Variants in EIF3G observed in about 807,000 individuals in gnomAD.
EIF3G encodes eukaryotic translation initiation factor 3 RNA-binding subunit.
EIF3G carries 10 observed loss-of-function variants against 41.7 expected under a neutral mutation model. The ratio of observed to expected loss-of-function variants is 0.24; its 90% confidence interval spans 0.15 to 0.41. The LOEUF (loss-of-function observed/expected upper bound fraction) is 0.41. Among genes scored for constraint, EIF3G ranks in the 10% least tolerant of loss-of-function variants. The pLI is 1.00. For synonymous variants in EIF3G, 204 were observed against 172.5 expected (o/e 1.18, Z -1.43); for missense variants, 297 against 444.0 (o/e 0.67, Z 2.98).
rs2089247479 is a variant in EIF3G at position 10,116,267 on chromosome 19, CACTG to C, written c.596-197_596-194del. On this transcript the variant is annotated intron_variant, in intron 7 of 10. Coordinates refer to ENST00000253108, the MANE Select transcript of EIF3G (RefSeq NM_003755.5). The surrounding 1 kb of genome is among the most constrained non-coding windows in gnomAD (Gnocchi z 4.1). ...CACCATTTGAGCTCCCAGCCAGCGA[CACTG>C]GTGGAGGAGGAGGAGGAGGAGCCCC... is the stretch of plus-strand genomic sequence containing the variant. 4.9e-6 allele frequency: 3 copies of C among 615,952 alleles called. No individual in the cohort carries two copies. Among genetic ancestry groups the C allele is most frequent in the Non-Finnish European group, 8.5e-6 (3 of 351,012 alleles). 38.2% of individuals were successfully genotyped at this position (615,952 alleles called of 1,614,324 possible).
chr19:10,119,832 C>T lies in EIF3G; in HGVS notation c.20+8G>A. On this transcript the variant is annotated splice_region_variant and intron_variant, in intron 1 of 10. Transcript: ENST00000253108. ...TTCCCGTGCCCCTTTCCGCGATCGC[C>T]GACTCACTCAAAGTCTCCAGTAGGC... The T allele has an allele frequency of 6.2e-7, 1 of 1,614,210 alleles. No individual in the cohort carries two copies.
rs1462138128 is a variant in EIF3G, at chr19:10,116,564, A to C, written c.595+236T>G. The C allele has an allele frequency of 1.9e-6, 1 of 533,846 alleles. No individual in the cohort carries two copies. Among genetic ancestry groups the C allele is most frequent in the East Asian group, 3.0e-5 (1 of 33,836 alleles). The allele number at this position is 533,846 out of a possible 1,614,324, so 33.1% of individuals were successfully genotyped here. ...CAGCACCCTGGGGCCGACAGACAGC[A>C]GCTCATCAGGACAGTCACAGGGCCA... On this transcript the variant is annotated intron_variant, in intron 7 of 10. Coordinates refer to ENST00000253108, the MANE Select transcript of EIF3G (RefSeq NM_003755.5). The surrounding 1 kb of genome is among the most constrained non-coding windows in gnomAD (Gnocchi z 4.1).
In EIF3G at chr19:10,115,137, A is replaced by AG; in HGVS notation, c.948-9dup. Reference sequence around the variant, plus strand: ...GCTTAGTTGGTGGACGGCCTGGGGTAGGGGAGGGTGGCAGGTATAAGACTT... The same window carrying AG: ...GCTTAGTTGGTGGACGGCCTGGGGTAGGGGGAGGGTGGCAGGTATAAGACTT... On this transcript the variant is annotated splice_polypyrimidine_tract_variant and intron_variant, in intron 10 of 10. Transcript: ENST00000253108. 1 of 1,613,530 alleles carries AG rather than the reference A, an allele frequency of 6.2e-7. No homozygotes were observed. The highest frequency in any genetic ancestry group is 1.1e-5 in the South Asian group (1 of 90,980).
Position 10,119,853 on chromosome 19 carries a change from T to G in EIF3G, c.7A>C (p.Thr3Pro), listed in dbSNP as rs748091858. The G allele has an allele frequency of 5.0e-6, 8 of 1,614,102 alleles. No homozygotes were observed. In the South Asian group the frequency reaches 7.7e-5, roughly 16 times the overall value. Residue 3 changes from threonine (T) to proline (P), a missense_variant, in exon 1 of 11, where the codon ACT becomes CCT. Physicochemically the swap from Thr to Pro is conservative, Grantham distance 38. This residue lies in a region of EIF3G where 147 missense variants were observed against 162.4 expected (regional missense o/e 0.91). Transcript: ENST00000253108. ...TCGCCGACTCACTCAAAGTCTCCAG[T>G]AGGCATCGCAAAAAGTATTCTCCAC... MP[T>P]GDFDSKPSWA...
chr19:10,117,294 A>T, intron 5 of EIF3G, 106 bp from the exon 6 acceptor site: 2 of 766,666 alleles, frequency 2.6e-6, no homozygotes, highest in Non-Finnish European at 4.3e-6. Context: ...TCTGGGCCTC[A>T]AACCCCATCT....
chr19:10,117,121 C>T lies in EIF3G; in HGVS notation c.368G>A (p.Ser123Asn). 6.2e-7 allele frequency: 1 copy of T among 1,613,810 alleles called. No homozygotes were observed. Among genetic ancestry groups the T allele is most frequent in the Non-Finnish European group, 8.5e-7 (1 of 1,179,858 alleles). Residue 123 changes from serine (S) to asparagine (N), a missense_variant, in exon 6 of 11, where the codon AGT (serine) becomes AAT (asparagine). By Grantham distance (46) the Ser-to-Asn change is conservative (BLOSUM62 1). Around this residue, in one of 4 missense-constraint regions of EIF3G, gnomAD observed 147 missense variants for 162.4 expected, o/e 0.91. Transcript: ENST00000253108. ...GATGAACGTCATAGAGACATCGTCA[C>T]TGACAGTGGTGGTGGCCACATTGGG... ...PGPNVATTTVSDDVSMTFITS... is the reference protein window; with the variant it reads ...PGPNVATTTVNDDVSMTFITS...
In EIF3G at chr19:10,116,043, C is replaced by T. The variant is rs1458417623; in HGVS notation, c.627G>A (p.Lys209=). ...ELEPVQATQN[K]TGKYVPPSLR... ...GGCTCGGCGGCACATACTTCCCTGT[C>T]TTGTTCTGCGTGGCCTGCACCGGCT... Residue 209 remains lysine (K), a synonymous_variant, in exon 8 of 11, where the codon AAG becomes AAA. Transcript: ENST00000253108. This position sits in a 1 kb window ranked among gnomAD's most constrained non-coding sequence, Gnocchi z 4.1. The T allele has an allele frequency of 2.5e-6, 4 of 1,614,002 alleles. No homozygotes were observed. The highest frequency in any genetic ancestry group is 2.2e-5 in the East Asian group (1 of 44,884).
intron 5 of EIF3G, chr19:10,118,047 G>A (rs1314518748): frequency 6.6e-6 from 1 of 152,544 alleles, no homozygotes; most frequent in Non-Finnish European, 1.5e-5. Context: ...ACTGGACACT[G>A]TGTCTTTAAA....
intron 5 of EIF3G, 41 bp from the exon 6 acceptor site, chr19:10,117,229 C>A (rs1369326650): frequency 6.6e-7 from 1 of 1,507,338 alleles, no homozygotes; most frequent in Admixed American, 1.9e-5. Context: ...AGGGCAGGGG[C>A]AGGCTGGGTT....
At chr19:10,119,041 G>A (rs754240648) in intron 3 of EIF3G, 47 bp downstream of exon 3, 3 of 1,606,210 alleles carry the variant, frequency 1.9e-6, no homozygotes, top group Non-Finnish European at 2.6e-6. Flanking sequence ...AGGCAGCCCG[G>A]ACACCGAGTG....
chr19:10,118,515 A>T (rs2089277728), intron 5 of EIF3G, 153 bp downstream of exon 5: 1 of 802,318 alleles, frequency 1.2e-6, no homozygotes, highest in African/African-American at 1.8e-5. Context: ...CAGTGAGTCG[A>T]GATCGTGCCA....
At chr19:10,115,851 G>A (rs371210294) in intron 8 of EIF3G, 31 bp from the exon 9 acceptor site, 1 of 1,607,978 alleles carries the variant, frequency 6.2e-7, no homozygotes, top group Non-Finnish European at 8.5e-7. Context: ...GGCTGTGAGG[G>A]GGAGGACACT....
Position 10,116,252 on chromosome 19 carries a change from G to C in EIF3G, c.596-178C>G, listed in dbSNP as rs2089247138. On this transcript the variant is annotated intron_variant, in intron 7 of 10. Coordinates refer to ENST00000253108, the MANE Select transcript of EIF3G (RefSeq NM_003755.5). The surrounding 1 kb of genome is among the most constrained non-coding windows in gnomAD (Gnocchi z 4.1). Reference sequence around the variant, plus strand: ...CACCTGAGAAGCTGACACCATTTGAGCTCCCAGCCAGCGACACTGGTGGAG... The same window carrying C: ...CACCTGAGAAGCTGACACCATTTGACCTCCCAGCCAGCGACACTGGTGGAG... The C allele has an allele frequency of 1.6e-6, 1 of 632,628 alleles. No individual in the cohort carries two copies. Among genetic ancestry groups the C allele is most frequent in the Non-Finnish European group, 2.7e-6 (1 of 365,092 alleles). The allele number at this position is 632,628 out of a possible 1,614,324, so 39.2% of individuals were successfully genotyped here. A position where few individuals can be genotyped will look rare whatever the true frequency, so the allele number is the denominator to read the frequency against.
Position 10,116,107 on chromosome 19 carries a change from A to C in EIF3G, c.596-33T>G, listed in dbSNP as rs900645040. 1.4e-5 allele frequency: 22 copies of C among 1,601,042 alleles called. No individual in the cohort carries two copies. The highest frequency in any genetic ancestry group is 1.9e-5 in the Non-Finnish European group (22 of 1,171,500). ...CCAAAAGACAGTCAAGTTCAACCTCACTGTGGCGCAGGCGTGGGGACAGAG... is the reference window on the plus strand; with the variant it reads ...CCAAAAGACAGTCAAGTTCAACCTCCCTGTGGCGCAGGCGTGGGGACAGAG... On this transcript the variant is annotated intron_variant, in intron 7 of 10. Transcript: ENST00000253108. The surrounding 1 kb of genome is among the most constrained non-coding windows in gnomAD (Gnocchi z 4.1).
At position 10,118,863 on chromosome 19, in the gene EIF3G, C is replaced by T. The variant is rs773446668; in HGVS notation, c.240+5G>A. ...GTCCCCACTCCCTGCACCCCCCACC[C>T]TCACCTTGAACTTCTTGCCATCCTC... On this transcript the variant is annotated splice_donor_5th_base_variant and intron_variant, in intron 4 of 10. Coordinates refer to ENST00000253108, the MANE Select transcript of EIF3G (RefSeq NM_003755.5). 2 of 1,613,922 alleles carry T rather than the reference C, an allele frequency of 1.2e-6. No individual in the cohort carries two copies. Among genetic ancestry groups the T allele is most frequent in the Non-Finnish European group, 1.7e-6 (2 of 1,179,896 alleles).
chr19:10,118,944 G>T lies in EIF3G; in HGVS notation c.164C>A (p.Pro55His). The change falls in exon 4 of 11, where the codon CCT becomes CAT. Residue 55 changes from proline to histidine, a missense_variant. Coordinates refer to ENST00000253108, the MANE Select transcript of EIF3G (RefSeq NM_003755.5). ...GTTTCCGTTGATGACCTCCTTGGGA[G>T]GCGGCAGTGGAGCTGGCAGAAGGGG... ...PELLPGAPLPPPKEVINGNIK... is the reference protein window; with the variant it reads ...PELLPGAPLPHPKEVINGNIK... 1.2e-6 allele frequency: 2 copies of T among 1,614,146 alleles called. No individual in the cohort carries two copies. Among genetic ancestry groups the T allele is most frequent in the Non-Finnish European group, 1.7e-6 (2 of 1,180,034 alleles).
chr19:10,118,771 G>A, intron 4 of EIF3G, 44 bp from the exon 5 acceptor site: 1 of 1,612,018 alleles, frequency 6.2e-7, no homozygotes, highest in Non-Finnish European at 8.5e-7. Flanking sequence ...GGGACCAAGG[G>A]ATCTCCTTTA....
Position 10,118,889 on chromosome 19 carries a change from A to G in EIF3G, c.219T>C (p.Asp73=), listed in dbSNP as rs201202253. ...TCACCTTGAACTTCTTGCCATCCTC[A>G]TCTATCTTGTACTCTGTCACTGTCT... is the stretch of plus-strand genomic sequence containing the variant. ...NIKTVTEYKI[D]EDGKKFKIVR... Residue 73 remains aspartate, a synonymous_variant, in exon 4 of 11, where the codon GAT becomes GAC. Coordinates refer to ENST00000253108, the MANE Select transcript of EIF3G (RefSeq NM_003755.5). The G allele has an allele frequency of 1.1e-4, 176 of 1,610,652 alleles. 1 individual carries two copies. Among genetic ancestry groups the G allele is most frequent in the Admixed American group, 4.7e-4 (28 of 59,476 alleles).
chr19:10,119,789 C>T (rs1267260508), intron 1 of EIF3G, 51 bp downstream of exon 1: 2 of 1,614,202 alleles, frequency 1.2e-6, no homozygotes, highest in Non-Finnish European at 8.5e-7. Flanking sequence ...ATAATACTTC[C>T]CAGAGCACCC....
Sources: allele counts gnomAD v4.1 joint callset, GRCh38; gene constraint gnomAD v4.1.1; regional missense constraint gnomAD v4.1.1; non-coding constraint Gnocchi (gnomAD v3.1); transcripts MANE v1.5; gene names NCBI Gene and HGNC (gene_info 2026-07-23, HGNC 2026-07-21).